The following SUGCT variants were observed in gnomAD, a reference collection of about 807,000 sequenced individuals.
SUGCT encodes the protein succinyl-CoA:glutarate-CoA transferase, also known as succinyl-CoA:glutarate CoA-transferase.
SUGCT carries 41 observed loss-of-function variants against 55.0 expected under a neutral mutation model. That is an observed-to-expected ratio of 0.74 (90% confidence interval 0.58 to 0.97). The LOEUF is 0.97. Among genes scored for constraint, SUGCT ranks in the 50% least tolerant of loss-of-function variants. The pLI, the probability that SUGCT is intolerant of heterozygous loss-of-function variation, is 0.00. For synonymous variants in SUGCT, 187 were observed against 200.4 expected (o/e 0.93, Z 0.56); for missense variants, 568 against 547.8 (o/e 1.04, Z -0.37).
intron 10 of SUGCT, among the ~76,000 whole-genome samples, chr7:40,450,635 G>T (rs1789137555): frequency 6.6e-6 from 1 of 151,944 alleles, no homozygotes; most frequent in South Asian, 2.1e-4. Context: ...CAATTAGCCA[G>T]GTGTGGCAGC....
At chr7:40,669,510 G>T (rs560963837) in intron 12 of SUGCT, among the ~76,000 whole-genome samples, 1 of 151,878 alleles carries the variant, frequency 6.6e-6, no homozygotes, top group African/African-American at 2.4e-5. Context: ...TTATAAATAT[G>T]CTTGAAAGAA....
At chr7:40,720,295 G>C (rs1786258510) in intron 12 of SUGCT, among the ~76,000 whole-genome samples, 1 of 152,134 alleles carries the variant, frequency 6.6e-6, no homozygotes, top group Non-Finnish European at 1.5e-5. Context: ...ATGTTAAGAG[G>C]TACAAGGGGA....
At chr7:40,459,315 T>C in intron 11 of SUGCT, 117 bp downstream of exon 11, 1 of 667,686 alleles carries the variant, frequency 1.5e-6, no homozygotes, top group Non-Finnish European at 2.4e-6. Context: ...TCTCTTCCAT[T>C]TTACAAAACT....
chr7:40,940,500 T>C, the SUGCT span, among the ~76,000 whole-genome samples: 1 of 152,194 alleles, frequency 6.6e-6, no homozygotes, highest in Non-Finnish European at 1.5e-5. Context: ...TATTGATTCT[T>C]CCATACCGTG....
chr7:40,167,303 AAAATT>A (rs1324908284), intron 1 of SUGCT, among the ~76,000 whole-genome samples: 3 of 152,240 alleles, frequency 2.0e-5, no homozygotes, highest in African/African-American at 7.2e-5. Flanking sequence ...CTAGATAATG[AAAATT>A]AAATTATAGT....
chr7:40,694,885 T>C (rs1396074529), intron 12 of SUGCT, among the ~76,000 whole-genome samples: 3 of 152,208 alleles, frequency 2.0e-5, no homozygotes, highest in South Asian at 2.1e-4. Context: ...TTACACCAAG[T>C]GGCTAGAGAT....
At chr7:40,963,426 A>T in the SUGCT span, among the ~76,000 whole-genome samples, 68 of 152,306 alleles carry the variant, frequency 4.5e-4, no homozygotes, top group East Asian at 5.2e-3. Flanking sequence ...ACTCCAATTG[A>T]TACTTTTTAA....
rs1291375202 is a variant in SUGCT at position 40,763,169 on chromosome 7, T to C, written c.1153+13672T>C. ...ATACTGTATGTGGAGCTACACCTGATAGTGTAAGCCACAATAAGGCTAGTT... is the reference window on the plus strand; with the variant it reads ...ATACTGTATGTGGAGCTACACCTGACAGTGTAAGCCACAATAAGGCTAGTT... On this transcript the variant is annotated intron_variant, in intron 13 of 13. Transcript: ENST00000335693. 3.9e-5 allele frequency among the ~76,000 whole-genome samples: 6 copies of C among 152,144 alleles called. No individual in the cohort carries two copies. In the South Asian group the frequency reaches 1.0e-3, roughly 26 times the overall value.
chr7:40,572,095 C>T (rs1188776254), intron 12 of SUGCT, among the ~76,000 whole-genome samples: 1 of 152,020 alleles, frequency 6.6e-6, no homozygotes, highest in Admixed American at 6.6e-5. Flanking sequence ...CCTACGGGCC[C>T]AGGTCTGCTT....
chr7:40,545,987 A>G (rs1173908799), intron 12 of SUGCT, among the ~76,000 whole-genome samples: 1 of 152,200 alleles, frequency 6.6e-6, no homozygotes, highest in Non-Finnish European at 1.5e-5. Flanking sequence ...TAAAATCAGA[A>G]TCATACATCA....
chr7:40,382,029 G>T (rs1460662066), intron 9 of SUGCT, among the ~76,000 whole-genome samples: 27 of 151,968 alleles, frequency 1.8e-4, no homozygotes, highest in Admixed American at 1.6e-3. Context: ...GTGTGTGTGT[G>T]TGTGTAACTC....
intron 12 of SUGCT, among the ~76,000 whole-genome samples, chr7:40,721,117 G>C (rs774304114): frequency 7.9e-5 from 12 of 152,218 alleles, no homozygotes; most frequent in Non-Finnish European, 1.8e-4. Flanking sequence ...GTCTGTAGCA[G>C]CTCTCTTCAC....
At chr7:40,325,273 T>C (rs933515449) in intron 9 of SUGCT, among the ~76,000 whole-genome samples, 4 of 152,094 alleles carry the variant, frequency 2.6e-5, no homozygotes, top group Non-Finnish European at 5.9e-5. Flanking sequence ...TATACATCTG[T>C]CTCTTCTTGT....
At chr7:40,939,273 C>T in the SUGCT span, among the ~76,000 whole-genome samples, 10 of 150,474 alleles carry the variant, frequency 6.6e-5, no homozygotes, top group African/African-American at 1.2e-4. Flanking sequence ...TTGACTACCA[C>T]GAAAACAGTA....
intron 12 of SUGCT, among the ~76,000 whole-genome samples, chr7:40,619,005 C>A (rs1006106070): frequency 2.0e-5 from 3 of 152,124 alleles, no homozygotes; most frequent in Admixed American, 2.0e-4. Flanking sequence ...GAAAACCCAC[C>A]GTCTTTGAGT....
intron 12 of SUGCT, among the ~76,000 whole-genome samples, chr7:40,649,209 T>A (rs1167116351): frequency 1.3e-5 from 2 of 152,232 alleles, no homozygotes; most frequent in Admixed American, 1.3e-4. Context: ...CTATGTTTTT[T>A]AATTGTCAGA....
intron 6 of SUGCT, among the ~76,000 whole-genome samples, chr7:40,210,693 C>T (rs1320285579): frequency 6.6e-6 from 1 of 152,098 alleles, no homozygotes; most frequent in African/African-American, 2.4e-5. Context: ...CATGTGGCCC[C>T]TGCTACTGTG....
chr7:40,514,151 T>C (rs753754205), intron 12 of SUGCT, among the ~76,000 whole-genome samples: 1 of 152,076 alleles, frequency 6.6e-6, no homozygotes, highest in Non-Finnish European at 1.5e-5. Flanking sequence ...CTGTTTTTTT[T>C]TTCAGTGACT....
intron 12 of SUGCT, among the ~76,000 whole-genome samples, chr7:40,717,179 T>C (rs1349894555): frequency 6.6e-6 from 1 of 152,216 alleles, no homozygotes; most frequent in Non-Finnish European, 1.5e-5. Flanking sequence ...TACATATTTG[T>C]TCACTGCGAT....
Sources: gnomAD v4.1 joint callset for allele counts (sites outside exome capture counted in the v4.1 genomes callset) on GRCh38, gnomAD v4.1.1 for gene constraint, MANE v1.5 for transcripts, NCBI Gene and HGNC (gene_info 2026-07-23, HGNC 2026-07-21) for gene names.